The following TBC1D32 variants were observed in gnomAD, a reference collection of about 807,000 sequenced individuals.
The protein encoded by TBC1D32 is protein broad-minded.
Under a neutral mutation model 170.3 loss-of-function variants are expected in TBC1D32, and 151 were observed. That is an observed-to-expected ratio of 0.89 (90% CI 0.78 to 1.01). TBC1D32 has a LOEUF of 1.01. Ranked by LOEUF, TBC1D32 falls within the 50% of genes least tolerant of loss-of-function variation. The pLI is 0.00. For missense variants in TBC1D32, 1,464 were observed against 1,457.1 expected (o/e 1.00, Z -0.08); for synonymous variants, 498 against 488.0 (o/e 1.02, Z -0.27).
intron 21 of TBC1D32, 107 bp downstream of exon 21, chr6:121,223,129 C>T (rs1035823922): frequency 4.4e-6 from 3 of 683,474 alleles, no homozygotes; most frequent in Admixed American, 3.2e-5. Context: ...CCCTTAAATG[C>T]CATTACATAA....
intron 24 of TBC1D32, among the ~76,000 whole-genome samples, chr6:121,138,521 G>T (rs1782395618): frequency 6.6e-6 from 1 of 152,114 alleles, no homozygotes; most frequent in Non-Finnish European, 1.5e-5. Context: ...TGCAGCTCAA[G>T]ATTTACTACA....
At chr6:121,087,950 A>AT (rs571335757) in intron 31 of TBC1D32, among the ~76,000 whole-genome samples, 6,299 of 141,384 alleles carry the variant, frequency 0.045, 166 homozygotes, top group Middle Eastern at 0.074. Context: ...TACATGGGGA[A>AT]TTTTTTTTTT....
chr6:121,321,543 G>A, intron 2 of TBC1D32, 90 bp downstream of exon 2: 2 of 1,247,192 alleles, frequency 1.6e-6, no homozygotes, highest in Non-Finnish European at 1.1e-6. Context: ...TGCTATGAGG[G>A]AAATAGACTG....
chr6:121,119,465 T>A (rs2128205515), intron 26 of TBC1D32, among the ~76,000 whole-genome samples: 1 of 152,218 alleles, frequency 6.6e-6, no homozygotes, highest in South Asian at 2.1e-4. Flanking sequence ...TATATTTTAA[T>A]AATCAAAAGG....
chr6:121,092,756 G>A (rs1376320061), intron 30 of TBC1D32, among the ~76,000 whole-genome samples: 1 of 152,028 alleles, frequency 6.6e-6, no homozygotes, highest in Non-Finnish European at 1.5e-5. Flanking sequence ...AGACACTTGT[G>A]ATATTGGATT....
chr6:121,316,922 C>G (rs2128495475), intron 3 of TBC1D32, among the ~76,000 whole-genome samples: 1 of 152,242 alleles, frequency 6.6e-6, no homozygotes, highest in South Asian at 2.1e-4. Context: ...TGCATAGGCT[C>G]TAGTCTAGCT....
chr6:121,321,866 A>C, intron 1 of TBC1D32, 72 bp from the exon 2 acceptor site: 1 of 1,320,266 alleles, frequency 7.6e-7, no homozygotes, highest in Non-Finnish European at 1.0e-6. Flanking sequence ...TCAACACAGA[A>C]AGGTAACATA....
intron 30 of TBC1D32, among the ~76,000 whole-genome samples, chr6:121,101,435 A>G (rs1452133898): frequency 6.6e-6 from 1 of 152,162 alleles, no homozygotes; most frequent in African/African-American, 2.4e-5. Flanking sequence ...GGTTCAACAT[A>G]TGAAAATCAA....
In TBC1D32 at chr6:121,201,896, GA is replaced by G. The variant is rs901064575; in HGVS notation, c.2570+3178del. 5.6e-4 allele frequency among the ~76,000 whole-genome samples: 85 copies of G among 151,116 alleles called. 3 individuals are homozygous for G. The highest frequency in any genetic ancestry group is 3.4e-3 in the Middle Eastern group (1 of 294). ...AGATCAACTATTGTTTAAAAAAACA[GA>G]AAAAAGTTATGATGACTTTCAAAAT... On this transcript the variant is annotated intron_variant, in intron 22 of 31. Coordinates refer to ENST00000398212, the MANE Select transcript of TBC1D32 (RefSeq NM_152730.6).
chr6:121,175,264 A>C (rs1374906830), intron 22 of TBC1D32, among the ~76,000 whole-genome samples: 1 of 152,206 alleles, frequency 6.6e-6, no homozygotes, highest in African/African-American at 2.4e-5. Context: ...TTTTGAGTTA[A>C]GATTTGAAAA....
chr6:121,317,561 G>T lies in TBC1D32; in HGVS notation c.429C>A (p.Ile143=), dbSNP rs1257244544. 1.2e-6 allele frequency: 2 copies of T among 1,612,532 alleles called. No individual in the cohort carries two copies. The highest frequency in any genetic ancestry group is 1.7e-6 in the Non-Finnish European group (2 of 1,179,290). ...GGTAACTATGGCTTTTCTCCTTTTGGATTTTTTTCTGCCTTTCTTGATTTC... is the reference window on the plus strand; with the variant it reads ...GGTAACTATGGCTTTTCTCCTTTTGTATTTTTTTCTGCCTTTCTTGATTTC... ...ETRNQERQKK[I]QKEKSHSYRT... is the part of the protein sequence containing the mutation. Residue 143 remains isoleucine, a synonymous_variant, in exon 3 of 32, where the codon ATC becomes ATA. Transcript: ENST00000398212.
chr6:121,114,144 A>C (rs1388173958), intron 27 of TBC1D32, among the ~76,000 whole-genome samples: 1 of 152,200 alleles, frequency 6.6e-6, no homozygotes, highest in African/African-American at 2.4e-5. Context: ...ACTGCACTCC[A>C]GCCTGGGTGA....
chr6:121,102,348 G>C (rs539194540), intron 30 of TBC1D32, among the ~76,000 whole-genome samples: 7 of 152,166 alleles, frequency 4.6e-5, no homozygotes, highest in Admixed American at 4.6e-4. Context: ...ATACTACAAG[G>C]CTACAGTAAC....
rs1022820773 is a variant in TBC1D32, at chr6:121,273,903, T to C, written c.1733+5218A>G. Among the ~76,000 whole-genome samples, 9 of 152,302 alleles carry C rather than the reference T, an allele frequency of 5.9e-5. No individual in the cohort carries two copies. In the East Asian group the frequency reaches 1.7e-3, roughly 29 times the overall value. On this transcript the variant is annotated intron_variant, in intron 15 of 31. Transcript: ENST00000398212. ...CACTTCCATTTTCTGTGCATCATTT[T>C]CCTGTTTCTGTTCATAAATCTTCTT...
chr6:121,223,250 G>A lies in TBC1D32; in HGVS notation c.2467C>T (p.Pro823Ser). Residue 823 changes from proline to serine, a missense_variant, in exon 21 of 32, where the codon CCA becomes TCA. By Grantham distance (74) the Pro-to-Ser change is moderately conservative. This residue lies in a region of TBC1D32 where 1,363 missense variants were observed against 1,338.1 expected (regional missense o/e 1.02). Coordinates refer to ENST00000398212, the MANE Select transcript of TBC1D32 (RefSeq NM_152730.6). ...NKTEYSLREV[P>S]TCVIDIIDRL... ...AAATGACTTACAATAACACATGTTG[G>A]GACTTCACGAAGAGAATATTCTGTT... The A allele has an allele frequency of 6.4e-7, 1 of 1,555,336 alleles. No homozygotes were observed. The highest frequency in any genetic ancestry group is 8.7e-7 in the Non-Finnish European group (1 of 1,150,360).
At chr6:121,218,254 G>C (rs1328675951) in intron 21 of TBC1D32, among the ~76,000 whole-genome samples, 1 of 152,200 alleles carries the variant, frequency 6.6e-6, no homozygotes, top group African/African-American at 2.4e-5. Context: ...TAATGCCACA[G>C]CCATAGAAAC....
intron 26 of TBC1D32, among the ~76,000 whole-genome samples, chr6:121,120,706 T>A (rs1024414309): frequency 1.3e-5 from 2 of 152,038 alleles, no homozygotes; most frequent in Non-Finnish European, 2.9e-5. Context: ...ATGATGATTA[T>A]GTCTAGTTCA....
chr6:121,221,724 C>T (rs1246400036), intron 21 of TBC1D32, among the ~76,000 whole-genome samples: 1 of 152,172 alleles, frequency 6.6e-6, no homozygotes, highest in Non-Finnish European at 1.5e-5. Flanking sequence ...GACTGAATTG[C>T]TGCAATCTTA....
chr6:121,266,865 A>T (rs1800564146), intron 15 of TBC1D32, among the ~76,000 whole-genome samples: 1 of 152,074 alleles, frequency 6.6e-6, no homozygotes, highest in South Asian at 2.1e-4. Context: ...GAAAAATGAG[A>T]ACACATGGAC....
Sources: allele counts gnomAD v4.1 joint callset (sites outside exome capture counted in the v4.1 genomes callset), GRCh38; gene constraint gnomAD v4.1.1; regional missense constraint gnomAD v4.1.1; transcripts MANE v1.5; gene names NCBI Gene and HGNC (gene_info 2026-07-23, HGNC 2026-07-21).